Variants in NFIB observed in about 807,000 individuals in gnomAD.
NFIB encodes nuclear factor 1 B-type.
NFIB carries 11 observed loss-of-function variants against 61.5 expected under a neutral mutation model. The observed-to-expected ratio is 0.18, with a 90% confidence interval of 0.11 to 0.30. NFIB has a LOEUF of 0.30. Ranked by LOEUF, NFIB falls within the 10% of genes least tolerant of loss-of-function variation. The probability of loss-of-function intolerance (pLI) is 1.00; values close to 1 mark genes in which losing one functional copy is unlikely to be tolerated. For missense variants in NFIB, 471 were observed against 608.9 expected (o/e 0.77, Z 2.38); for synonymous variants, 260 against 216.5 (o/e 1.20, Z -1.76).
In NFIB at chr9:14,303,825, G is replaced by A. The variant is rs889453121; in HGVS notation, c.562+3164C>T. On this transcript the variant is annotated intron_variant, in intron 2 of 10. Coordinates refer to ENST00000380953, the MANE Select transcript of NFIB (RefSeq NM_001190737.2). ...CGGTTCTTGTAGCAACGAAACAGCC[G>A]AAGCGCAGCCCTCTGAATCAATAAC... Among the ~76,000 whole-genome samples, 7 of 152,256 alleles carry A rather than the reference G, an allele frequency of 4.6e-5. 1 individual carries two copies. The South Asian group carries it at 8.3e-4, about 18-fold the overall frequency.
intron 2 of NFIB, among the ~76,000 whole-genome samples, chr9:14,228,724 G>C (rs1042984479): frequency 6.6e-6 from 1 of 152,130 alleles, no homozygotes; most frequent in Non-Finnish European, 1.5e-5. Context: ...CGTAAGAAAG[G>C]ATCTGACTGT....
At chr9:14,220,614 T>C (rs777549846) in intron 2 of NFIB, among the ~76,000 whole-genome samples, 3 of 152,060 alleles carry the variant, frequency 2.0e-5, no homozygotes, top group Non-Finnish European at 4.4e-5. Flanking sequence ...TCACAGCCCA[T>C]AGCTCTCACA....
chr9:14,134,913 A>AAAAAAAAAAAGAAAAAG (rs1011872669), intron 6 of NFIB, among the ~76,000 whole-genome samples: 1 of 133,320 alleles, frequency 7.5e-6, no homozygotes, highest in African/African-American at 2.6e-5. Context: ...AAAAAAAAAA[A>AAAAAAAAAAAGAAAAAG]AAAAAAAGGA....
chr9:14,141,520 T>C (rs953693395), intron 6 of NFIB, among the ~76,000 whole-genome samples: 2 of 152,174 alleles, frequency 1.3e-5, no homozygotes, highest in African/African-American at 4.8e-5. Flanking sequence ...ATCTTATTTA[T>C]TTTAGTCCCC....
At chr9:14,224,058 C>T (rs946932578) in intron 2 of NFIB, among the ~76,000 whole-genome samples, 4 of 152,158 alleles carry the variant, frequency 2.6e-5, no homozygotes, top group African/African-American at 9.6e-5. Flanking sequence ...CAAAATAAAA[C>T]AAACAGTAAA....
chr9:14,498,438 G>A, the NFIB span, among the ~76,000 whole-genome samples: 1 of 152,200 alleles, frequency 6.6e-6, no homozygotes, highest in Non-Finnish European at 1.5e-5. Flanking sequence ...TGAAAACAAA[G>A]ACTAGCAGAA....
chr9:14,219,328 G>A (rs1406441008), intron 2 of NFIB, among the ~76,000 whole-genome samples: 1 of 123,398 alleles, frequency 8.1e-6, no homozygotes, highest in Non-Finnish European at 1.6e-5. Context: ...GACAAATATT[G>A]CTATTTTATC....
At chr9:14,345,179 T>G (rs2061004281) in intron 1 of NFIB, among the ~76,000 whole-genome samples, 1 of 152,290 alleles carries the variant, frequency 6.6e-6, no homozygotes, top group Admixed American at 6.5e-5. Flanking sequence ...CTGCTTTTTA[T>G]TCATTTGAGT....
intron 10 of NFIB, among the ~76,000 whole-genome samples, chr9:14,108,334 T>C (rs114906141): frequency 0.011 from 1,708 of 152,178 alleles, 25 homozygotes; most frequent in African/African-American, 0.039. Context: ...TTTCCAATGG[T>C]AGTACCAAGC....
At chr9:14,383,226 T>G (rs1489763773) in intron 1 of NFIB, among the ~76,000 whole-genome samples, 1 of 152,224 alleles carries the variant, frequency 6.6e-6, no homozygotes, top group Non-Finnish European at 1.5e-5. Flanking sequence ...TTAGTTAGTC[T>G]GTTTACAGCT....
At chr9:14,116,942 G>C (rs930135377) in intron 8 of NFIB, among the ~76,000 whole-genome samples, 4 of 152,162 alleles carry the variant, frequency 2.6e-5, no homozygotes, top group African/African-American at 9.7e-5. Context: ...GCACACATTA[G>C]GCAATTTAGA....
chr9:14,472,873 T>C, the NFIB span, among the ~76,000 whole-genome samples: 1 of 151,156 alleles, frequency 6.6e-6, no homozygotes, highest in African/African-American at 2.4e-5. Flanking sequence ...AAAGGATTGG[T>C]CTGCAACAGA....
intron 1 of NFIB, among the ~76,000 whole-genome samples, chr9:14,382,230 A>G (rs956260711): frequency 2.6e-5 from 4 of 152,184 alleles, no homozygotes; most frequent in African/African-American, 7.2e-5. Flanking sequence ...TTCTTTTCGA[A>G]GCAAAGAAGA....
In NFIB at chr9:14,239,633, C is replaced by A. The variant is rs551344129; in HGVS notation, c.563-59853G>T. Among the ~76,000 whole-genome samples, 30 of 152,156 alleles carry A rather than the reference C, an allele frequency of 2.0e-4. No individual in the cohort carries two copies. The South Asian group carries it at 5.8e-3, about 29-fold the overall frequency. On this transcript the variant is annotated intron_variant, in intron 2 of 10. Coordinates refer to ENST00000380953, the MANE Select transcript of NFIB (RefSeq NM_001190737.2). The stretch of plus-strand genomic sequence containing the variant: ...CTTAAAGATACATAAACATATAAAT[C>A]CAAATATGAGCCAAATTATTTTATA...
chr9:14,183,563 C>A (rs994870172), intron 2 of NFIB, among the ~76,000 whole-genome samples: 1 of 151,926 alleles, frequency 6.6e-6, no homozygotes, highest in Non-Finnish European at 1.5e-5. Context: ...ACCACCACAC[C>A]CAGCTAGTTT....
chr9:14,185,472 G>C (rs1347755951), intron 2 of NFIB, among the ~76,000 whole-genome samples: 1 of 152,154 alleles, frequency 6.6e-6, no homozygotes, highest in Non-Finnish European at 1.5e-5. Flanking sequence ...TCCTGCATTT[G>C]ATGTCTCCAA....
the NFIB span, among the ~76,000 whole-genome samples, chr9:14,492,846 G>A: frequency 6.6e-6 from 1 of 152,160 alleles, no homozygotes; most frequent in Non-Finnish European, 1.5e-5. Flanking sequence ...GATGTGAGAG[G>A]GGGTGTGTCC....
At chr9:14,433,309 G>A in the NFIB span, among the ~76,000 whole-genome samples, 2 of 152,074 alleles carry the variant, frequency 1.3e-5, no homozygotes, top group African/African-American at 4.8e-5. Context: ...TTTATTGTTT[G>A]AGCCCCATTG....
chr9:14,134,938 G>A (rs2040866396), intron 6 of NFIB, among the ~76,000 whole-genome samples: 1 of 144,938 alleles, frequency 6.9e-6, no homozygotes, highest in Non-Finnish European at 1.5e-5. Flanking sequence ...GAAGGATATG[G>A]TAAAATGCCA....
Sources: gnomAD v4.1 joint callset for allele counts (sites outside exome capture counted in the v4.1 genomes callset) on GRCh38, gnomAD v4.1.1 for gene constraint, MANE v1.5 for transcripts, NCBI Gene and HGNC (gene_info 2026-07-23, HGNC 2026-07-21) for gene names.